Variants in MYO16 observed in about 807,000 individuals in gnomAD.
MYO16 encodes myosin XVI.
A neutral mutation model predicts 205.3 loss-of-function variants in MYO16; 94 were observed. The ratio of observed to expected loss-of-function variants is 0.46; its 90% CI spans 0.39 to 0.54. MYO16 has a LOEUF of 0.54. Among genes scored for constraint, MYO16 ranks in the 20% least tolerant of loss-of-function variants. MYO16 has a pLI of 0.00. For missense variants in MYO16, 2,315 were observed against 2,387.5 expected, an observed-to-expected ratio of 0.97 and a Z score of 0.63; for synonymous variants, 988 against 954.0, an observed-to-expected ratio of 1.04 and a Z score of -0.66.
rs1880517792 is a variant in MYO16 at position 108,898,106 on chromosome 13, T to C, written c.1750T>C (p.Cys584Arg). The C allele has an allele frequency of 6.2e-7, 1 of 1,613,192 alleles. No individual in the cohort carries two copies. The highest frequency in any genetic ancestry group is 8.5e-7 in the Non-Finnish European group (1 of 1,179,250). The change falls in exon 15 of 35, where the codon TGT (cysteine) becomes CGT (arginine). Residue 584 changes from cysteine (C) to arginine (R), a missense_variant. By Grantham distance (180) the Cys-to-Arg change is radical (BLOSUM62 -3). Transcript: ENST00000457511. ...CATCAAGTATTTTGAACTGCAGTTCTGTGAGAGGAAACAACAGCTAACCGG... is the reference window on the plus strand; with the variant it reads ...CATCAAGTATTTTGAACTGCAGTTCCGTGAGAGGAAACAACAGCTAACCGG... ...CFIKYFELQF[C>R]ERKQQLTGAR...
chr13:108,783,309 T>A (rs1005855026), intron 4 of MYO16, among the ~76,000 whole-genome samples: 1 of 152,158 alleles, frequency 6.6e-6, no homozygotes. Flanking sequence ...AATTTCAGAC[T>A]TGCTTGGGCC....
At chr13:108,908,625 A>G (rs1384726179) in intron 15 of MYO16, among the ~76,000 whole-genome samples, 1 of 152,188 alleles carries the variant, frequency 6.6e-6, no homozygotes, top group Admixed American at 6.5e-5. Context: ...AATAATATTG[A>G]CAATGGATTC....
chr13:109,093,470 C>T (rs762259851), intron 27 of MYO16, among the ~76,000 whole-genome samples: 3 of 152,120 alleles, frequency 2.0e-5, no homozygotes, highest in Non-Finnish European at 2.9e-5. Context: ...GACTGGCTGA[C>T]GTTTGGTCAA....
intron 9 of MYO16, among the ~76,000 whole-genome samples, chr13:108,824,594 A>G (rs1235125999): frequency 6.6e-6 from 1 of 152,136 alleles, no homozygotes; most frequent in Non-Finnish European, 1.5e-5. Context: ...AGGGAATAGA[A>G]GACTTAAATA....
At chr13:108,703,833 A>G (rs572866733) in intron 2 of MYO16, among the ~76,000 whole-genome samples, 19 of 152,262 alleles carry the variant, frequency 1.2e-4, no homozygotes, top group African/African-American at 4.3e-4. Flanking sequence ...CTCAATTCAT[A>G]TGTTATACCC....
chr13:108,721,449 G>A (rs1884158166), intron 3 of MYO16, among the ~76,000 whole-genome samples: 1 of 152,104 alleles, frequency 6.6e-6, no homozygotes, highest in South Asian at 2.1e-4. Context: ...TGGAGTAAGT[G>A]GTATTGTTAA....
chr13:108,641,145 C>T (rs929426835), intron 1 of MYO16, among the ~76,000 whole-genome samples: 3 of 152,158 alleles, frequency 2.0e-5, no homozygotes, highest in Non-Finnish European at 4.4e-5. Context: ...GCTTATTGGA[C>T]GCTTCTCGAT....
intron 6 of MYO16, among the ~76,000 whole-genome samples, chr13:108,796,600 A>G (rs1044435400): frequency 1.6e-4 from 25 of 152,138 alleles, no homozygotes; most frequent in Admixed American, 1.6e-3. Flanking sequence ...AAAAATGATG[A>G]GTTCATGTCC....
At chr13:108,754,504 A>G (rs1885356987) in intron 4 of MYO16, among the ~76,000 whole-genome samples, 6 of 148,152 alleles carry the variant, frequency 4.0e-5, no homozygotes, top group African/African-American at 1.5e-4. Flanking sequence ...ACTGCTAGTT[A>G]CAGGTTTTGG....
intron 20 of MYO16, among the ~76,000 whole-genome samples, chr13:108,968,763 C>G (rs533404536): frequency 2.0e-5 from 3 of 152,300 alleles, no homozygotes; most frequent in South Asian, 4.1e-4. Context: ...TGACTCAGAT[C>G]GACATCACCA....
intron 23 of MYO16, among the ~76,000 whole-genome samples, chr13:109,023,299 TATAA>T (rs1180064205): frequency 2.0e-4 from 16 of 78,518 alleles, no homozygotes; most frequent in African/African-American, 8.2e-4. Flanking sequence ...ATTATACAGA[TATAA>T]ATATATATAT....
the MYO16 span, among the ~76,000 whole-genome samples, chr13:108,556,940 G>A: frequency 6.6e-6 from 1 of 151,992 alleles, no homozygotes; most frequent in African/African-American, 2.4e-5. Flanking sequence ...TCAATTGACT[G>A]TTATTGTGTG....
intron 4 of MYO16, among the ~76,000 whole-genome samples, chr13:108,728,925 G>C (rs1323386967): frequency 6.6e-6 from 1 of 151,512 alleles, no homozygotes; most frequent in Admixed American, 6.6e-5. Context: ...TCTTAATCTT[G>C]TAGGAGGTTT....
chr13:108,633,877 G>T (rs1193764000), intron 1 of MYO16, among the ~76,000 whole-genome samples: 2 of 152,150 alleles, frequency 1.3e-5, no homozygotes, highest in African/African-American at 4.8e-5. Context: ...ACACCCAGAA[G>T]CTGCTCCCTC....
rs550697248 is a variant in MYO16, at chr13:108,888,167, A to T, written c.1554-205A>T. On this transcript the variant is annotated intron_variant, in intron 13 of 34. Transcript: ENST00000457511. ...ACAGTCAACATATACTGGGTATTTC[A>T]GACAAATGAATCAAATTGAAGTGTG... Among the ~76,000 whole-genome samples, 14 of 152,352 alleles carry T rather than the reference A, an allele frequency of 9.2e-5. No homozygotes were observed. In the East Asian group the frequency reaches 2.7e-3, roughly 29 times the overall value.
At chr13:108,902,112 G>A (rs1368335683) in intron 15 of MYO16, among the ~76,000 whole-genome samples, 1 of 152,176 alleles carries the variant, frequency 6.6e-6, no homozygotes, top group Non-Finnish European at 1.5e-5. Context: ...AAAGGGTGTT[G>A]AGTACAAAGG....
intron 34 of MYO16, among the ~76,000 whole-genome samples, chr13:109,190,151 A>G (rs549498579): frequency 1.3e-5 from 2 of 152,298 alleles, no homozygotes; most frequent in African/African-American, 4.8e-5. Context: ...AAGGAAAAAA[A>G]AATTATTTTA....
At chr13:108,567,904 G>T in the MYO16 span, among the ~76,000 whole-genome samples, 53,155 of 151,794 alleles carry the variant, frequency 0.35, 10,617 homozygotes, top group Non-Finnish European at 0.44. Flanking sequence ...ACATTTTTCG[G>T]TCTCTTTAGA....
chr13:108,585,419 T>A, the MYO16 span, among the ~76,000 whole-genome samples: 1 of 152,076 alleles, frequency 6.6e-6, no homozygotes, highest in African/African-American at 2.4e-5. Context: ...ATGCTCAGGG[T>A]GAAGATAAAG....
Sources: gnomAD v4.1 joint callset for allele counts (sites outside exome capture counted in the v4.1 genomes callset) on GRCh38, gnomAD v4.1.1 for gene constraint, MANE v1.5 for transcripts, NCBI Gene and HGNC (gene_info 2026-07-23, HGNC 2026-07-21) for gene names.